TIAM2: variants seen among roughly 807,000 people sequenced by gnomAD.
The protein encoded by TIAM2 is TIAM Rac1 associated GEF 2.
Under a neutral mutation model 152.9 loss-of-function variants are expected in TIAM2, and 80 were observed. The observed-to-expected ratio is 0.52, with a 90% confidence interval of 0.44 to 0.63. The LOEUF is 0.63. TIAM2 is among the 30% of genes least tolerant of loss of function. The pLI, the probability that TIAM2 is intolerant of heterozygous loss-of-function variation, is 0.00. For synonymous variants in TIAM2, 804 were observed against 838.0 expected, an observed-to-expected ratio of 0.96 and a Z score of 0.70; for missense variants, 1,965 against 2,120.1, an observed-to-expected ratio of 0.93 and a Z score of 1.44.
chr6:155,219,874 C>T (rs1471808551), intron 15 of TIAM2, among the ~76,000 whole-genome samples: 1 of 149,156 alleles, frequency 6.7e-6, no homozygotes, highest in Admixed American at 6.6e-5. Flanking sequence ...ACAGGAAAAA[C>T]AGGAAAAAAA....
rs1350955063 is a variant in TIAM2 at position 155,165,362 on chromosome 6, GAC to G, written c.2319_2320del (p.Leu774GlyfsTer16). 1 of 1,614,022 alleles carries G rather than the reference GAC, an allele frequency of 6.2e-7. No homozygotes were observed. The highest frequency in any genetic ancestry group is 1.7e-5 in the Admixed American group (1 of 59,996). On this transcript the variant is annotated frameshift_variant, in exon 9 of 27. Coordinates refer to ENST00000682666, the MANE Select transcript of TIAM2 (RefSeq NM_012454.4). LOFTEE classifies it high-confidence loss of function. ...KGIFSSLKGL[D>X]TLARKGKEKR... ...AATATTTTCTTCGTTAAAAGGGCTG[GAC>G]ACACTGGCCAGAAAAGGCAAGGAGA...
At chr6:155,056,271 A>C (rs1777450592) in intron 1 of TIAM2, among the ~76,000 whole-genome samples, 1 of 147,898 alleles carries the variant, frequency 6.8e-6, no homozygotes, top group South Asian at 2.1e-4. Context: ...TGCTGGGTTC[A>C]AGCGATTCTC....
intron 1 of TIAM2, among the ~76,000 whole-genome samples, chr6:155,014,214 T>A (rs1778536187): frequency 6.6e-6 from 1 of 152,212 alleles, no homozygotes; most frequent in Non-Finnish European, 1.5e-5. Flanking sequence ...CTTTGTCTAT[T>A]CTTATTTGGT....
At chr6:155,090,718 A>G (rs1055052773) in intron 2 of TIAM2, among the ~76,000 whole-genome samples, 2 of 152,136 alleles carry the variant, frequency 1.3e-5, no homozygotes, top group Non-Finnish European at 2.9e-5. Context: ...TGTGCCACAT[A>G]CTGATAGAGC....
intron 1 of TIAM2, among the ~76,000 whole-genome samples, chr6:155,035,476 C>T (rs1776905872): frequency 6.6e-6 from 1 of 152,116 alleles, no homozygotes; most frequent in Non-Finnish European, 1.5e-5. Flanking sequence ...CCGTTTTAGC[C>T]TCCCAAAGTT....
chr6:155,058,515 A>T (rs865867672), intron 1 of TIAM2, among the ~76,000 whole-genome samples: 1 of 152,236 alleles, frequency 6.6e-6, no homozygotes, highest in Non-Finnish European at 1.5e-5. Flanking sequence ...CCTTGACGTT[A>T]ATAAAAATGA....
At chr6:155,028,147 C>CTG (rs547076434) in intron 1 of TIAM2, among the ~76,000 whole-genome samples, 1,229 of 70,782 alleles carry the variant, frequency 0.017, 174 homozygotes, top group African/African-American at 0.033. Context: ...AATATATGTA[C>CTG]TGTTACATAT....
chr6:155,006,503 C>T (rs982049519), intron 1 of TIAM2, among the ~76,000 whole-genome samples: 2 of 151,570 alleles, frequency 1.3e-5, no homozygotes, highest in African/African-American at 4.8e-5. Context: ...CCTGTCTCTA[C>T]TCAAAATACA....
At chr6:155,198,461 G>A (rs1781397988) in intron 14 of TIAM2, among the ~76,000 whole-genome samples, 1 of 152,012 alleles carries the variant, frequency 6.6e-6, no homozygotes, top group Non-Finnish European at 1.5e-5. Context: ...TCAGGAGTTC[G>A]AGACCAGCCT....
chr6:155,033,728 G>T (rs7769753), intron 1 of TIAM2, among the ~76,000 whole-genome samples: 99,042 of 149,246 alleles, frequency 0.66, 33,117 homozygotes, highest in East Asian at 0.89. Flanking sequence ...TTCTTTTTTT[G>T]TTTTTTGAGA....
intron 1 of TIAM2, among the ~76,000 whole-genome samples, chr6:155,044,572 T>A: frequency 6.6e-6 from 1 of 152,174 alleles, no homozygotes; most frequent in East Asian, 1.9e-4. Context: ...ATCTCAGCAC[T>A]TTGGGAGGCA....
intron 14 of TIAM2, among the ~76,000 whole-genome samples, chr6:155,192,471 G>A (rs1477738934): frequency 1.3e-5 from 2 of 152,018 alleles, no homozygotes. Context: ...AAATTATTGA[G>A]GGCCCTAAAG....
At chr6:155,090,193 TACA>T (rs1303410453) in intron 1 of TIAM2, 93 bp from the exon 2 acceptor site, 1 of 152,348 alleles carries the variant, frequency 6.6e-6, no homozygotes, top group Non-Finnish European at 1.5e-5. Context: ...AAGCCCAAGA[TACA>T]ACAGAATGCT....
At chr6:155,172,045 A>G (rs747068308) in intron 9 of TIAM2, among the ~76,000 whole-genome samples, 1 of 152,156 alleles carries the variant, frequency 6.6e-6, no homozygotes, top group Non-Finnish European at 1.5e-5. Flanking sequence ...ACGGAGTTTC[A>G]ATTTTTTCTC....
At chr6:155,220,918 T>A (rs1016113082) in intron 15 of TIAM2, among the ~76,000 whole-genome samples, 1 of 151,992 alleles carries the variant, frequency 6.6e-6, no homozygotes, top group Admixed American at 6.6e-5. Flanking sequence ...GTCTCCTAGC[T>A]CCCCACCTCC....
At chr6:155,151,999 C>T (rs1316357932) in intron 7 of TIAM2, among the ~76,000 whole-genome samples, 1 of 151,898 alleles carries the variant, frequency 6.6e-6, no homozygotes, top group African/African-American at 2.4e-5. Context: ...CGCCCGCCAC[C>T]ACGCCCGGCT....
chr6:155,044,224 C>T (rs910998931), intron 1 of TIAM2, among the ~76,000 whole-genome samples: 5 of 152,132 alleles, frequency 3.3e-5, no homozygotes, highest in Non-Finnish European at 7.3e-5. Flanking sequence ...CTCGTCCTGC[C>T]CAGTCACACA....
chr6:155,069,253 C>G (rs1403248174), intron 1 of TIAM2, among the ~76,000 whole-genome samples: 5 of 152,020 alleles, frequency 3.3e-5, no homozygotes, highest in African/African-American at 1.2e-4. Flanking sequence ...TGCCACCACG[C>G]CTGACTAATT....
At chr6:155,179,287 C>G (rs1053219789) in intron 11 of TIAM2, 91 bp from the exon 12 acceptor site, 35 of 1,470,928 alleles carry the variant, frequency 2.4e-5, no homozygotes, top group Non-Finnish European at 3.1e-5. Context: ...ATCTTAACAG[C>G]TTTCTTGTTT....
Sources: gnomAD v4.1 joint callset for allele counts (sites outside exome capture counted in the v4.1 genomes callset) on GRCh38, gnomAD v4.1.1 for gene constraint, MANE v1.5 for transcripts, NCBI Gene and HGNC (gene_info 2026-07-23, HGNC 2026-07-21) for gene names.